VPS53: variants seen among roughly 807,000 people sequenced by gnomAD.
The protein encoded by VPS53 is vacuolar protein sorting-associated protein 53 homolog.
VPS53 carries 70 observed loss-of-function variants against 107.0 expected under a neutral mutation model. That is an observed-to-expected ratio of 0.65 (90% CI 0.54 to 0.80). The LOEUF is 0.80. VPS53 is among the 30% of genes least tolerant of loss of function. VPS53 has a pLI of 0.00. For missense variants in VPS53, 917 were observed against 1,049.4 expected (o/e 0.87, Z 1.74); for synonymous variants, 409 against 393.3 (o/e 1.04, Z -0.47).
chr17:634,346 G>C (rs1970098009), intron 7 of VPS53, among the ~76,000 whole-genome samples: 1 of 152,066 alleles, frequency 6.6e-6, no homozygotes, highest in Non-Finnish European at 1.5e-5. Context: ...AGACTTCCTT[G>C]CCATGCTCTT....
intron 15 of VPS53, among the ~76,000 whole-genome samples, chr17:559,254 G>A (rs1288272378): frequency 6.6e-6 from 1 of 152,158 alleles, no homozygotes; most frequent in Non-Finnish European, 1.5e-5. Context: ...ATGATTATTT[G>A]AGGATGATGG....
At chr17:559,181 A>G (rs769071040) in intron 15 of VPS53, among the ~76,000 whole-genome samples, 1 of 152,214 alleles carries the variant, frequency 6.6e-6, no homozygotes, top group Admixed American at 6.5e-5. Context: ...CAGTGAATTA[A>G]GATTGTAACA....
At chr17:602,935 G>C (rs527998830) in intron 11 of VPS53, among the ~76,000 whole-genome samples, 1 of 152,182 alleles carries the variant, frequency 6.6e-6, no homozygotes, top group African/African-American at 2.4e-5. Context: ...AGGGAAGGGG[G>C]CAAGGCATGG....
chr17:530,212 C>T (rs1909433456), intron 19 of VPS53, among the ~76,000 whole-genome samples: 1 of 147,234 alleles, frequency 6.8e-6, no homozygotes. Flanking sequence ...GCAATCTCAG[C>T]TCACTGCAAC....
At chr17:648,987 C>T in intron 7 of VPS53, among the ~76,000 whole-genome samples, 1 of 27,022 alleles carries the variant, frequency 3.7e-5, no homozygotes, top group Non-Finnish European at 7.2e-5. Context: ...AGATCTTACA[C>T]TAGAGGACAG....
intron 8 of VPS53, 34 bp downstream of exon 8, chr17:631,516 C>A: frequency 6.2e-7 from 1 of 1,605,450 alleles, no homozygotes; most frequent in South Asian, 1.1e-5. Context: ...GGATGGTGAT[C>A]ATCTCTAAAG....
At chr17:619,648 G>A (rs868120415) in intron 11 of VPS53, among the ~76,000 whole-genome samples, 2 of 52,428 alleles carry the variant, frequency 3.8e-5, no homozygotes, top group Non-Finnish European at 3.7e-5. Flanking sequence ...TATTTCCCGG[G>A]TAGCTGGGAC....
intron 13 of VPS53, among the ~76,000 whole-genome samples, chr17:564,935 A>G (rs191311737): frequency 3.3e-5 from 5 of 152,196 alleles, no homozygotes; most frequent in Admixed American, 2.6e-4. Context: ...GGTTCCCACC[A>G]CTCCTGACAT....
At chr17:680,661 C>G (rs1972357586) in intron 4 of VPS53, among the ~76,000 whole-genome samples, 1 of 152,152 alleles carries the variant, frequency 6.6e-6, no homozygotes, top group African/African-American at 2.4e-5. Context: ...AATCGGGAAA[C>G]AAGACAACAT....
intron 4 of VPS53, among the ~76,000 whole-genome samples, chr17:671,190 C>T (rs1971925404): frequency 6.6e-6 from 1 of 151,484 alleles, no homozygotes; most frequent in Non-Finnish European, 1.5e-5. Context: ...AAGATTATGC[C>T]ACTGCACTCC....
intron 19 of VPS53, among the ~76,000 whole-genome samples, chr17:521,966 T>G (rs1284270639): frequency 6.6e-6 from 1 of 152,002 alleles, no homozygotes; most frequent in Admixed American, 6.6e-5. Flanking sequence ...AAAAACTAAA[T>G]CAGGGGGCCA....
chr17:564,695 C>A (rs750868043), intron 13 of VPS53, among the ~76,000 whole-genome samples: 1 of 151,654 alleles, frequency 6.6e-6, no homozygotes, highest in Non-Finnish European at 1.5e-5. Context: ...CCAGCCTGGG[C>A]AACAGAGCAA....
intron 1 of VPS53, 122 bp from the exon 2 acceptor site, chr17:710,735 T>G (rs559661174): frequency 4.5e-6 from 3 of 659,784 alleles, no homozygotes; most frequent in East Asian, 5.8e-5. Context: ...ATCACAGCAC[T>G]TTGGGAGGCC....
chr17:657,445 G>A (rs889645340), intron 5 of VPS53: 13 of 991,052 alleles, frequency 1.3e-5, no homozygotes, highest in South Asian at 7.7e-5. Flanking sequence ...AACTTGTGGG[G>A]ACTGGTGGAC....
intron 3 of VPS53, among the ~76,000 whole-genome samples, chr17:698,058 A>G (rs1264530253): frequency 6.6e-6 from 1 of 152,248 alleles, no homozygotes; most frequent in Non-Finnish European, 1.5e-5. Flanking sequence ...AGGGATACAC[A>G]TATAAGCCCA....
intron 17 of VPS53, among the ~76,000 whole-genome samples, chr17:549,692 C>T (rs200035048): frequency 6.6e-6 from 1 of 152,244 alleles, no homozygotes; most frequent in East Asian, 1.9e-4. Flanking sequence ...TGGCACAGAT[C>T]CCACTCAGGA....
At chr17:680,325 C>T (rs891022804) in intron 4 of VPS53, among the ~76,000 whole-genome samples, 16 of 151,808 alleles carry the variant, frequency 1.1e-4, no homozygotes, top group Non-Finnish European at 2.4e-4. Context: ...GACATAAACC[C>T]GATACAAAAT....
chr17:575,272 G>C (rs1914499185), intron 13 of VPS53, among the ~76,000 whole-genome samples: 1 of 152,214 alleles, frequency 6.6e-6, no homozygotes, highest in Non-Finnish European at 1.5e-5. Context: ...AGTTCCATGT[G>C]AAGTTTCTAA....
chr17:597,700 G>A (rs557514570), intron 12 of VPS53, among the ~76,000 whole-genome samples: 16 of 151,172 alleles, frequency 1.1e-4, no homozygotes, highest in Admixed American at 8.6e-4. Context: ...GCACCACCAC[G>A]CCCGGCTAAT....
Sources: allele counts gnomAD v4.1 joint callset (sites outside exome capture counted in the v4.1 genomes callset), GRCh38; gene constraint gnomAD v4.1.1; transcripts MANE v1.5; gene names NCBI Gene and HGNC (gene_info 2026-07-23, HGNC 2026-07-21).